Variants in KLF12 observed in about 807,000 individuals in gnomAD.
The protein encoded by KLF12 is Krueppel-like factor 12.
KLF12 carries 9 observed loss-of-function variants against 37.8 expected under a neutral mutation model. That is an observed-to-expected ratio of 0.24 (90% CI 0.14 to 0.42). KLF12 has a LOEUF of 0.42. Among genes scored for constraint, KLF12 ranks in the 10% least tolerant of loss-of-function variants. KLF12 has a pLI of 1.00. For synonymous variants in KLF12, 208 were observed against 202.1 expected, an observed-to-expected ratio of 1.03 and a Z score of -0.25; for missense variants, 411 against 516.0, an observed-to-expected ratio of 0.80 and a Z score of 1.97.
In KLF12 at chr13:73,697,677, G is replaced by C. The variant is rs114994132; in HGVS notation, c.1028-2006C>G. On this transcript the variant is annotated intron_variant, in intron 7 of 7. Transcript: ENST00000377669. ...ACATCCATCTTTGGTACATTGAGCT[G>C]AGCTAGTTGGATGTTGGTCACCGAG... Among the ~76,000 whole-genome samples, 425 of 152,148 alleles carry C rather than the reference G, an allele frequency of 2.8e-3. 1 individual carries two copies. Among genetic ancestry groups the C allele is most frequent in the African/African-American group, 9.5e-3 (396 of 41,500 alleles).
At chr13:74,176,024 C>T in the KLF12 span, among the ~76,000 whole-genome samples, 1,660 of 152,320 alleles carry the variant, frequency 0.011, 37 homozygotes, top group African/African-American at 0.038. Context: ...AATTCCACTT[C>T]ATGATGAACA....
At chr13:73,982,418 T>A (rs1399687808) in intron 2 of KLF12, among the ~76,000 whole-genome samples, 2 of 152,142 alleles carry the variant, frequency 1.3e-5, no homozygotes, top group Admixed American at 6.5e-5. Context: ...TCAGAAAGGA[T>A]ATCTTCCATT....
chr13:73,989,991 A>C (rs533672247), intron 2 of KLF12, among the ~76,000 whole-genome samples: 2 of 152,336 alleles, frequency 1.3e-5, no homozygotes, highest in South Asian at 4.1e-4. Context: ...GTAATACAAT[A>C]ACAGAAAACT....
At chr13:74,270,355 C>T in the KLF12 span, among the ~76,000 whole-genome samples, 1 of 152,126 alleles carries the variant, frequency 6.6e-6, no homozygotes, top group Non-Finnish European at 1.5e-5. Context: ...AACCTCCTAA[C>T]CTCCAGTGAG....
At chr13:73,865,181 C>T (rs1886111722) in intron 3 of KLF12, among the ~76,000 whole-genome samples, 1 of 152,042 alleles carries the variant, frequency 6.6e-6, no homozygotes, top group Admixed American at 6.5e-5. Flanking sequence ...GCTCTATAAT[C>T]ACATTATCTC....
intron 1 of KLF12, among the ~76,000 whole-genome samples, chr13:74,020,553 T>G (rs1057467483): frequency 6.6e-6 from 1 of 152,028 alleles, no homozygotes; most frequent in African/African-American, 2.4e-5. Context: ...CAGGTAGAAA[T>G]AGAGAAGGGC....
chr13:74,187,441 A>G, the KLF12 span, among the ~76,000 whole-genome samples: 1 of 152,152 alleles, frequency 6.6e-6, no homozygotes, highest in Non-Finnish European at 1.5e-5. Context: ...GGGGATAACC[A>G]GAGTAGCTAT....
upstream of KLF12, among the ~76,000 whole-genome samples, chr13:74,137,261 C>T (rs1216013257): frequency 6.6e-6 from 1 of 152,148 alleles, no homozygotes; most frequent in Non-Finnish European, 1.5e-5. Flanking sequence ...ATCCTTAATT[C>T]AAGAGGACCA....
chr13:73,986,800 G>A (rs531050289), intron 2 of KLF12, among the ~76,000 whole-genome samples: 3 of 152,270 alleles, frequency 2.0e-5, no homozygotes, highest in Admixed American at 1.3e-4. Context: ...CAAGGAACCT[G>A]AGTAGGCTCT....
At chr13:73,862,786 C>T (rs1885997173) in intron 3 of KLF12, among the ~76,000 whole-genome samples, 1 of 152,078 alleles carries the variant, frequency 6.6e-6, no homozygotes, top group Non-Finnish European at 1.5e-5. Context: ...GAGTCAGGCA[C>T]ATTAATCACT....
chr13:74,032,750 C>T (rs1041686610), intron 1 of KLF12, among the ~76,000 whole-genome samples: 1 of 152,168 alleles, frequency 6.6e-6, no homozygotes, highest in Non-Finnish European at 1.5e-5. Context: ...TTTGTATCTA[C>T]ACCTACAGCA....
intron 1 of KLF12, among the ~76,000 whole-genome samples, chr13:74,011,239 CA>C (rs58892976): frequency 0.015 from 844 of 56,122 alleles, 2 homozygotes; most frequent in Middle Eastern, 0.043. Flanking sequence ...CAAGTCAGAG[CA>C]AAAAAAAAAA....
chr13:73,746,140 G>A (rs868029347), intron 6 of KLF12, among the ~76,000 whole-genome samples: 4 of 151,902 alleles, frequency 2.6e-5, no homozygotes, highest in Admixed American at 6.6e-5. Flanking sequence ...ACAATGCAGG[G>A]ACTATATTAA....
At chr13:74,062,307 A>C (rs1187566036) in intron 1 of KLF12, among the ~76,000 whole-genome samples, 1 of 152,094 alleles carries the variant, frequency 6.6e-6, no homozygotes, top group African/African-American at 2.4e-5. Flanking sequence ...CATTTTCTCT[A>C]TATTTGTCTC....
upstream of KLF12, among the ~76,000 whole-genome samples, chr13:74,135,597 GCGGGCGGGGCGCGCGGCGGA>G (rs1304372738): frequency 6.3e-4 from 95 of 151,498 alleles, no homozygotes; most frequent in African/African-American, 2.2e-3. Flanking sequence ...AAGCGGCCGG[GCGGGCGGGGCGCGCGGCGGA>G]CGGAGGCGGG....
chr13:73,855,214 G>T (rs1243333850), intron 3 of KLF12, among the ~76,000 whole-genome samples: 1 of 152,172 alleles, frequency 6.6e-6, no homozygotes, highest in Non-Finnish European at 1.5e-5. Flanking sequence ...AGTGAGCACA[G>T]TACCCAACAG....
rs144400568 is a variant in KLF12, at chr13:73,831,473, C to A, written c.670+14354G>T. Among the ~76,000 whole-genome samples, 1,270 of 152,184 alleles carry A rather than the reference C, an allele frequency of 8.3e-3. 19 individuals are homozygous for A. The highest frequency in any genetic ancestry group is 0.029 in the African/African-American group (1,196 of 41,530). On this transcript the variant is annotated intron_variant, in intron 4 of 7. Transcript: ENST00000377669. ...ATATATTTACAAGATTTATTACATA[C>A]TTTGCTACCTTTTTCAAATGGACTG...
chr13:74,113,982 G>A (rs1337823066), intron 1 of KLF12, among the ~76,000 whole-genome samples: 1 of 152,216 alleles, frequency 6.6e-6, no homozygotes, highest in Non-Finnish European at 1.5e-5. Flanking sequence ...CAAGAGTTCA[G>A]TGGAATAAGT....
chr13:74,192,543 T>C, the KLF12 span, among the ~76,000 whole-genome samples: 947 of 152,350 alleles, frequency 6.2e-3, 6 homozygotes, highest in Admixed American at 9.7e-3. Context: ...TTTCACATAG[T>C]GTGAGATGTG....
Sources: allele counts gnomAD v4.1 joint callset (sites outside exome capture counted in the v4.1 genomes callset), GRCh38; gene constraint gnomAD v4.1.1; transcripts MANE v1.5; gene names NCBI Gene and HGNC (gene_info 2026-07-23, HGNC 2026-07-21).